The following NUP98 variants were observed in gnomAD, a reference collection of about 807,000 sequenced individuals.
NUP98 encodes nuclear pore complex protein Nup98-Nup96.
Under a neutral mutation model 191.9 loss-of-function variants are expected in NUP98, and 26 were observed. The ratio of observed to expected loss-of-function variants is 0.14; its 90% confidence interval spans 0.10 to 0.19. The LOEUF is 0.19. Among genes scored for constraint, NUP98 ranks in the 10% least tolerant of loss-of-function variants. The pLI is 1.00. For synonymous variants in NUP98, 808 were observed against 778.4 expected, an observed-to-expected ratio of 1.04 and a Z score of -0.63; for missense variants, 1,941 against 2,178.8, an observed-to-expected ratio of 0.89 and a Z score of 2.17.
At chr11:3,717,017 T>C (rs2079208673) in intron 18 of NUP98, among the ~76,000 whole-genome samples, 1 of 152,196 alleles carries the variant, frequency 6.6e-6, no homozygotes, top group South Asian at 2.1e-4. Flanking sequence ...TAAGTTTTTT[T>C]CTTTGACACG....
At chr11:3,769,816 G>A (rs979342242) in intron 7 of NUP98, among the ~76,000 whole-genome samples, 4 of 151,058 alleles carry the variant, frequency 2.6e-5, no homozygotes, top group African/African-American at 4.9e-5. Flanking sequence ...AGGCCGAGGC[G>A]GGTGGATCAT....
intron 15 of NUP98, 32 bp downstream of exon 15, chr11:3,725,071 C>A (rs1284276432): frequency 2.1e-6 from 2 of 974,600 alleles, no homozygotes; most frequent in African/African-American, 1.6e-5. Flanking sequence ...TAACTCTCTA[C>A]TAAGAAGAAC....
intron 1 of NUP98, among the ~76,000 whole-genome samples, chr11:3,788,907 A>G: frequency 6.6e-6 from 1 of 152,234 alleles, no homozygotes; most frequent in Middle Eastern, 3.2e-3. Context: ...AGATCGTGCC[A>G]CTGCACTCCA....
At chr11:3,733,823 G>T (rs1305932542) in intron 13 of NUP98, among the ~76,000 whole-genome samples, 1 of 152,130 alleles carries the variant, frequency 6.6e-6, no homozygotes, top group Non-Finnish European at 1.5e-5. Flanking sequence ...TTTGTCACTG[G>T]ATAGCAACCT....
At chr11:3,727,162 T>G (rs945737390) in intron 14 of NUP98, among the ~76,000 whole-genome samples, 1 of 152,032 alleles carries the variant, frequency 6.6e-6, no homozygotes, top group Admixed American at 6.6e-5. Flanking sequence ...CCAAACTGGG[T>G]AGGGACGCTG....
At chr11:3,728,580 T>A (rs1444241171) in intron 14 of NUP98, among the ~76,000 whole-genome samples, 1 of 151,522 alleles carries the variant, frequency 6.6e-6, no homozygotes, top group Non-Finnish European at 1.5e-5. Flanking sequence ...CTAAAAAAAA[T>A]ACAAAAAAAT....
intron 1 of NUP98, among the ~76,000 whole-genome samples, chr11:3,785,933 T>G (rs976069933): frequency 6.6e-6 from 1 of 152,040 alleles, no homozygotes; most frequent in African/African-American, 2.4e-5. Context: ...GCCTTTATCC[T>G]TTCAAATATG....
chr11:3,712,346 T>C (rs2079044677), intron 20 of NUP98: 2 of 1,367,230 alleles, frequency 1.5e-6, no homozygotes, highest in Non-Finnish European at 1.9e-6. Flanking sequence ...TGTAGAGGAA[T>C]AATCCAAACA....
intron 2 of NUP98, among the ~76,000 whole-genome samples, chr11:3,780,661 T>G (rs2081938106): frequency 6.6e-6 from 1 of 152,078 alleles, no homozygotes; most frequent in Admixed American, 6.6e-5. Context: ...CTTAGCCCAG[T>G]GCCGTGGCTT....
chr11:3,717,559 A>G (rs1195446824), intron 18 of NUP98, among the ~76,000 whole-genome samples: 9 of 152,212 alleles, frequency 5.9e-5, no homozygotes, highest in Non-Finnish European at 1.2e-4. Flanking sequence ...GAATTTGTTT[A>G]TAACTAGTAA....
intron 11 of NUP98, among the ~76,000 whole-genome samples, chr11:3,746,821 G>A (rs1464853163): frequency 6.6e-6 from 1 of 151,436 alleles, no homozygotes; most frequent in Non-Finnish European, 1.5e-5. Context: ...GCTGAAGCAG[G>A]AGAATCGCTT....
At chr11:3,747,158 T>A (rs2080537507) in intron 11 of NUP98, among the ~76,000 whole-genome samples, 1 of 152,202 alleles carries the variant, frequency 6.6e-6, no homozygotes, top group African/African-American at 2.4e-5. Flanking sequence ...AGGAAAAATG[T>A]GCTATATTTA....
intron 5 of NUP98, among the ~76,000 whole-genome samples, chr11:3,774,654 T>G (rs144047124): frequency 0.026 from 4,005 of 151,948 alleles, 203 homozygotes; most frequent in African/African-American, 0.092. Context: ...GAGGCAGAGG[T>G]TGCAGTGAGC....
At chr11:3,736,337 G>T (rs2080059190) in intron 12 of NUP98, among the ~76,000 whole-genome samples, 1 of 152,166 alleles carries the variant, frequency 6.6e-6, no homozygotes, top group Admixed American at 6.5e-5. Context: ...TCAAGATATG[G>T]AAACAACCTA....
intron 17 of NUP98, among the ~76,000 whole-genome samples, chr11:3,719,805 A>C (rs1436785605): frequency 1.4e-5 from 2 of 144,570 alleles, no homozygotes; most frequent in Admixed American, 1.4e-4. Flanking sequence ...TGTTCTGTTG[A>C]CCAGACTGAA....
At chr11:3,728,738 C>A (rs552171228) in intron 14 of NUP98, among the ~76,000 whole-genome samples, 1 of 152,000 alleles carries the variant, frequency 6.6e-6, no homozygotes, top group Admixed American at 6.5e-5. Context: ...GACTCCATCT[C>A]AAAATAAATA....
chr11:3,738,659 G>A (rs2080163780), intron 12 of NUP98, among the ~76,000 whole-genome samples: 1 of 151,206 alleles, frequency 6.6e-6, no homozygotes, highest in African/African-American at 2.4e-5. Context: ...CATACCTGTA[G>A]TCCCAGCTAC....
In NUP98 at chr11:3,797,486, TCGC is replaced by T; in HGVS notation, c.-118_-116del. 4 of 432,126 alleles carry T rather than the reference TCGC, an allele frequency of 9.3e-6. No homozygotes were observed. Among genetic ancestry groups the T allele is most frequent in the East Asian group, 3.6e-5 (1 of 28,106 alleles). 26.8% of individuals were successfully genotyped at this position (432,126 alleles called of 1,614,324 possible). A position where few individuals can be genotyped will look rare whatever the true frequency, so the allele number is the denominator to read the frequency against. ...GCAGCGCGCGGCCCCCACGAAACCG[TCGC>T]CGCCGCCGCTACCACCCCTGCCACC... On this transcript the variant is annotated 5_prime_UTR_variant, in exon 1 of 33. Coordinates refer to ENST00000324932, the MANE Select transcript of NUP98 (RefSeq NM_016320.5).
At chr11:3,687,145 G>A (rs2078156612) in intron 28 of NUP98, among the ~76,000 whole-genome samples, 1 of 152,076 alleles carries the variant, frequency 6.6e-6, no homozygotes, top group South Asian at 2.1e-4. Flanking sequence ...TATTGCCCAG[G>A]TTGGTCTTGA....
Sources: gnomAD v4.1 joint callset for allele counts (sites outside exome capture counted in the v4.1 genomes callset) on GRCh38, gnomAD v4.1.1 for gene constraint, MANE v1.5 for transcripts, NCBI Gene and HGNC (gene_info 2026-07-23, HGNC 2026-07-21) for gene names.